The following FLI1 variants were observed in gnomAD, a reference collection of about 807,000 sequenced individuals.
FLI1 encodes Friend leukemia integration 1 transcription factor.
FLI1 carries 13 observed loss-of-function variants against 53.1 expected under a neutral mutation model. That is an observed-to-expected ratio of 0.24 (90% CI 0.16 to 0.39). The LOEUF is 0.39. Ranked by LOEUF, FLI1 falls within the 10% of genes least tolerant of loss-of-function variation. The probability of loss-of-function intolerance (pLI) is 1.00; values close to 1 mark genes in which losing one functional copy is unlikely to be tolerated. For synonymous variants in FLI1, 244 were observed against 236.7 expected (o/e 1.03, Z -0.28); for missense variants, 424 against 600.5 (o/e 0.71, Z 3.07).
At chr11:128,713,667 A>G (rs185333698) in intron 1 of FLI1, among the ~76,000 whole-genome samples, 1 of 152,138 alleles carries the variant, frequency 6.6e-6, no homozygotes, top group Non-Finnish European at 1.5e-5. Flanking sequence ...AAAGGGTTCT[A>G]TGAAAGGGGA....
upstream of FLI1, among the ~76,000 whole-genome samples, chr11:128,685,381 C>T (rs940161278): frequency 1.3e-5 from 2 of 152,202 alleles, no homozygotes; most frequent in Non-Finnish European, 2.9e-5. Context: ...AGGTGAGTGC[C>T]CACTTGCGTC....
Position 128,734,159 on chromosome 11 carries a change from G to T in FLI1, c.19-23956G>T, listed in dbSNP as rs142622712. ...CTTGGTTAAAAGCGAGGTGGAGAGGGGTGGTTAAACAGGGGAAGCTATAGA... is the reference window on the plus strand; with the variant it reads ...CTTGGTTAAAAGCGAGGTGGAGAGGTGTGGTTAAACAGGGGAAGCTATAGA... On this transcript the variant is annotated intron_variant, in intron 1 of 8. Transcript: ENST00000527786. Among the ~76,000 whole-genome samples, 13 of 152,336 alleles carry T rather than the reference G, an allele frequency of 8.5e-5. No homozygotes were observed. In the East Asian group the frequency reaches 2.3e-3, roughly 27 times the overall value.
upstream of FLI1, among the ~76,000 whole-genome samples, chr11:128,690,848 G>A (rs79462104): frequency 2.6e-5 from 4 of 152,210 alleles, no homozygotes; most frequent in African/African-American, 9.6e-5. Flanking sequence ...AACCAGCCCC[G>A]AGCTGCTGGA....
chr11:128,727,350 A>T (rs1939525490), intron 1 of FLI1, among the ~76,000 whole-genome samples: 1 of 152,238 alleles, frequency 6.6e-6, no homozygotes, highest in South Asian at 2.1e-4. Flanking sequence ...AGTATTATGT[A>T]TATACTTTAT....
intron 1 of FLI1, among the ~76,000 whole-genome samples, chr11:128,753,288 G>T (rs1362610171): frequency 6.6e-6 from 1 of 152,240 alleles, no homozygotes; most frequent in Non-Finnish European, 1.5e-5. Context: ...AGGGCTAGGA[G>T]CCCACGCCTC....
intron 5 of FLI1, among the ~76,000 whole-genome samples, chr11:128,787,172 C>T (rs1942113641): frequency 6.6e-6 from 1 of 152,154 alleles, no homozygotes; most frequent in African/African-American, 2.4e-5. Context: ...GTGGCAGGAG[C>T]CATGCACATG....
At chr11:128,781,200 CA>C (rs2031366752) in intron 4 of FLI1, among the ~76,000 whole-genome samples, 1 of 152,298 alleles carries the variant, frequency 6.6e-6, no homozygotes, top group African/African-American at 2.4e-5. Flanking sequence ...TGAAGGGAAG[CA>C]AAAGTTCCTA....
At chr11:128,793,665 G>C (rs1942344409) in intron 5 of FLI1, among the ~76,000 whole-genome samples, 1 of 152,164 alleles carries the variant, frequency 6.6e-6, no homozygotes, top group Non-Finnish European at 1.5e-5. Flanking sequence ...GCTGTCTTTG[G>C]TCTTTCTGCT....
chr11:128,795,050 T>C (rs956056501), intron 5 of FLI1, among the ~76,000 whole-genome samples: 1 of 152,248 alleles, frequency 6.6e-6, no homozygotes, highest in Non-Finnish European at 1.5e-5. Flanking sequence ...CACTCCAGCC[T>C]GAGCGACAGA....
intron 1 of FLI1, among the ~76,000 whole-genome samples, chr11:128,719,971 T>C (rs780122992): frequency 2.6e-5 from 4 of 152,190 alleles, no homozygotes; most frequent in Admixed American, 6.5e-5. Context: ...TTCTTTAAAA[T>C]AATGATTGCA....
intron 5 of FLI1, among the ~76,000 whole-genome samples, chr11:128,801,433 GAACCCTCA>G (rs1942633143): frequency 6.6e-6 from 1 of 152,170 alleles, no homozygotes; most frequent in African/African-American, 2.4e-5. Flanking sequence ...AAAAAAATAT[GAACCCTCA>G]CTTCAACAAT....
intron 2 of FLI1, chr11:128,764,946 C>T (rs1043121129): frequency 6.5e-6 from 7 of 1,073,344 alleles, no homozygotes; most frequent in South Asian, 1.4e-5. Context: ...AGTGCAGAAG[C>T]CTGGGACCGA....
intron 4 of FLI1, among the ~76,000 whole-genome samples, chr11:128,774,481 A>C (rs1214692050): frequency 6.6e-6 from 1 of 152,122 alleles, no homozygotes; most frequent in Non-Finnish European, 1.5e-5. Context: ...AAAAATAAGG[A>C]TCTTTGAACA....
intron 1 of FLI1, among the ~76,000 whole-genome samples, chr11:128,734,953 G>A (rs1313109187): frequency 6.6e-6 from 1 of 152,204 alleles, no homozygotes; most frequent in African/African-American, 2.4e-5. Flanking sequence ...AAAGAATGCA[G>A]CTGAGAAAGT....
chr11:128,753,546 T>A (rs1048169984), intron 1 of FLI1, among the ~76,000 whole-genome samples: 3 of 152,210 alleles, frequency 2.0e-5, no homozygotes, highest in Admixed American at 2.0e-4. Context: ...GATTTATCCG[T>A]GGAAAGTTCT....
upstream of FLI1, chr11:128,686,198 C>T (rs1865799572): frequency 2.7e-6 from 1 of 375,356 alleles, no homozygotes; most frequent in African/African-American, 2.1e-5. Context: ...AGCTTCTGCT[C>T]CTCAGCCTGC....
At chr11:128,710,412 T>C (rs1163069640) in intron 1 of FLI1, among the ~76,000 whole-genome samples, 1 of 152,208 alleles carries the variant, frequency 6.6e-6, no homozygotes, top group Non-Finnish European at 1.5e-5. Flanking sequence ...TCAAAGTTCA[T>C]GAGGCCGAAC....
chr11:128,754,371 G>C (rs1304431952), intron 1 of FLI1, among the ~76,000 whole-genome samples: 1 of 152,012 alleles, frequency 6.6e-6, no homozygotes, highest in African/African-American at 2.4e-5. Context: ...GAAACAGGAA[G>C]CTCTCAGGAA....
intron 1 of FLI1, among the ~76,000 whole-genome samples, chr11:128,719,465 T>C (rs969422854): frequency 2.0e-5 from 3 of 151,934 alleles, no homozygotes; most frequent in African/African-American, 7.3e-5. Flanking sequence ...TGCCTGCCTC[T>C]GATAGATGTG....
Sources: gnomAD v4.1 joint callset for allele counts (sites outside exome capture counted in the v4.1 genomes callset) on GRCh38, gnomAD v4.1.1 for gene constraint, MANE v1.5 for transcripts, NCBI Gene and HGNC (gene_info 2026-07-23, HGNC 2026-07-21) for gene names.